The following HYCC2 variants were observed in gnomAD, a reference collection of about 807,000 sequenced individuals.
The protein encoded by HYCC2 is hyccin 2.
At chr2:201,027,245 C>A in the HYCC2 span, among the ~76,000 whole-genome samples, 2 of 151,994 alleles carry the variant, frequency 1.3e-5, no homozygotes, top group African/African-American at 4.8e-5. Context: ...ACACATACAC[C>A]CTCCTGAGAC....
At chr2:200,981,143 G>C in the HYCC2 span, 1 of 1,117,720 alleles carries the variant, frequency 8.9e-7, no homozygotes, top group Non-Finnish European at 1.3e-6. This position sits in a 1 kb window ranked among gnomAD's most constrained non-coding sequence, Gnocchi z 4.5. Context: ...ACAGTATGAA[G>C]ATACCTAAAC....
the HYCC2 span, among the ~76,000 whole-genome samples, chr2:201,013,004 CAG>C: frequency 1.6e-3 from 248 of 151,806 alleles, no homozygotes; most frequent in African/African-American, 4.8e-3. Context: ...TGACGACAAT[CAG>C]AGGAGTGAAA....
the HYCC2 span, among the ~76,000 whole-genome samples, chr2:201,023,279 G>T: frequency 6.6e-6 from 1 of 151,956 alleles, no homozygotes; most frequent in African/African-American, 2.4e-5. Flanking sequence ...AACCTGGGAG[G>T]TGGAGGTTGC....
chr2:201,034,826 C>T, the HYCC2 span, among the ~76,000 whole-genome samples: 33,060 of 151,956 alleles, frequency 0.22, 4,489 homozygotes, highest in African/African-American at 0.38. Flanking sequence ...TCTCAGCATT[C>T]GCTTGTCTGT....
At chr2:201,018,130 G>A in the HYCC2 span, among the ~76,000 whole-genome samples, 2 of 151,798 alleles carry the variant, frequency 1.3e-5, no homozygotes, top group South Asian at 2.1e-4. Context: ...TTTTTCATAC[G>A]ATATCACACA....
chr2:201,009,844 C>T, the HYCC2 span, among the ~76,000 whole-genome samples: 2 of 151,810 alleles, frequency 1.3e-5, no homozygotes, highest in Admixed American at 1.3e-4. Flanking sequence ...TGGCTCACGC[C>T]TGTAATCCCA....
the HYCC2 span, among the ~76,000 whole-genome samples, chr2:201,033,147 GTATGTGTGTGTA>G: frequency 2.7e-4 from 35 of 128,698 alleles, no homozygotes; most frequent in Non-Finnish European, 3.7e-4. Flanking sequence ...AAAGCTATTT[GTATGTGTGTGTA>G]TGTGTGTGTG....
chr2:200,997,313 C>T, the HYCC2 span: 3 of 624,016 alleles, frequency 4.8e-6, no homozygotes, highest in Non-Finnish European at 8.5e-6. Context: ...AGGACTCCTA[C>T]AGGAATGCAA....
chr2:201,032,207 C>A, the HYCC2 span, among the ~76,000 whole-genome samples: 2 of 152,194 alleles, frequency 1.3e-5, no homozygotes, highest in East Asian at 3.9e-4. Flanking sequence ...AGTGATCAGT[C>A]TGCCTTGGCC....
the HYCC2 span, among the ~76,000 whole-genome samples, chr2:201,030,479 G>T: frequency 6.6e-6 from 1 of 151,406 alleles, no homozygotes. Flanking sequence ...AGGTAAATAT[G>T]TTATTTAAAT....
At chr2:201,047,914 C>T in the HYCC2 span, among the ~76,000 whole-genome samples, 2 of 146,084 alleles carry the variant, frequency 1.4e-5, no homozygotes, top group Non-Finnish European at 1.5e-5. Flanking sequence ...AAAAAAATCT[C>T]ACCTTCAAGC....
the HYCC2 span, among the ~76,000 whole-genome samples, chr2:201,018,994 T>C: frequency 7.1e-3 from 1,086 of 152,316 alleles, 8 homozygotes; most frequent in African/African-American, 0.025. Context: ...AATGGAGGTA[T>C]AGATTGTTTA....
At chr2:201,028,639 G>A in the HYCC2 span, among the ~76,000 whole-genome samples, 436 of 152,236 alleles carry the variant, frequency 2.9e-3, 2 homozygotes, top group African/African-American at 0.01. Flanking sequence ...GAACAGAACA[G>A]AGCCCTCAGA....
At chr2:201,001,812 C>T in the HYCC2 span, among the ~76,000 whole-genome samples, 1 of 151,986 alleles carries the variant, frequency 6.6e-6, no homozygotes, top group African/African-American at 2.4e-5. Flanking sequence ...GCTGGGATTA[C>T]AGGCATGAGC....
the HYCC2 span, among the ~76,000 whole-genome samples, chr2:201,000,057 C>CAAAA: frequency 5.2e-4 from 18 of 34,718 alleles, no homozygotes; most frequent in African/African-American, 1.5e-3. Context: ...GACTCCGTCT[C>CAAAA]AAAAAAAAAA....
At chr2:201,050,930 C>T in the HYCC2 span, among the ~76,000 whole-genome samples, 1 of 151,950 alleles carries the variant, frequency 6.6e-6, no homozygotes, top group Non-Finnish European at 1.5e-5. Flanking sequence ...AGCAAGACTC[C>T]GTCTCAAAAC....
the HYCC2 span, chr2:201,021,610 T>G: frequency 6.0e-6 from 1 of 165,438 alleles, no homozygotes; most frequent in Admixed American, 6.0e-5. Flanking sequence ...ATGTTCATTA[T>G]GTACATGATA....
chr2:201,033,194 TGTGA>T, the HYCC2 span, among the ~76,000 whole-genome samples: 80 of 125,766 alleles, frequency 6.4e-4, no homozygotes, highest in East Asian at 2.0e-3. Flanking sequence ...TGTGTGTGTG[TGTGA>T]GAGAGAGAGA....
At chr2:200,993,481 A>G in the HYCC2 span, among the ~76,000 whole-genome samples, 1 of 152,208 alleles carries the variant, frequency 6.6e-6, no homozygotes, top group Non-Finnish European at 1.5e-5. Context: ...TCATTAAGTG[A>G]TGCTTCCAAA....
Sources: allele counts gnomAD v4.1 joint callset (sites outside exome capture counted in the v4.1 genomes callset), GRCh38; gene constraint gnomAD v4.1.1; non-coding constraint Gnocchi (gnomAD v3.1); transcripts MANE v1.5; gene names NCBI Gene and HGNC (gene_info 2026-07-23, HGNC 2026-07-21).